Variants in CPA6 observed in about 807,000 individuals in gnomAD.
CPA6 encodes carboxypeptidase A6.
In CPA6, 58 loss-of-function variants were observed where a neutral mutation model predicts 63.3. The observed-to-expected ratio is 0.92, with a 90% CI of 0.74 to 1.14. The LOEUF is 1.14. Among genes scored for constraint, CPA6 ranks in the 50% most tolerant of loss-of-function variants. The probability of loss-of-function intolerance (pLI) is 0.00; values close to 1 mark genes in which losing one functional copy is unlikely to be tolerated. For synonymous variants in CPA6, 185 were observed against 179.0 expected (o/e 1.03, Z -0.27); for missense variants, 565 against 526.6 (o/e 1.07, Z -0.71).
chr8:67,486,268 A>G (rs1811474084), intron 6 of CPA6, among the ~76,000 whole-genome samples: 1 of 152,256 alleles, frequency 6.6e-6, no homozygotes, highest in African/African-American at 2.4e-5. Flanking sequence ...CTATATAACT[A>G]TGTTTTGGTC....
intron 1 of CPA6, among the ~76,000 whole-genome samples, chr8:67,645,728 A>C (rs984828251): frequency 1.3e-5 from 2 of 152,260 alleles, no homozygotes; most frequent in African/African-American, 4.8e-5. Context: ...GTTGGAACAA[A>C]TATAATGATG....
chr8:67,588,206 G>T (rs1197398735), intron 2 of CPA6, among the ~76,000 whole-genome samples: 1 of 152,170 alleles, frequency 6.6e-6, no homozygotes, highest in African/African-American at 2.4e-5. Flanking sequence ...AAGGGATCAG[G>T]TTCGCCGTTT....
intron 2 of CPA6, among the ~76,000 whole-genome samples, chr8:67,587,662 A>G (rs1813982474): frequency 6.6e-6 from 1 of 152,016 alleles, no homozygotes; most frequent in African/African-American, 2.4e-5. Flanking sequence ...TTATGAGGAG[A>G]GCTGAGAGAG....
At chr8:67,625,304 G>A (rs1815171691) in intron 1 of CPA6, among the ~76,000 whole-genome samples, 1 of 152,138 alleles carries the variant, frequency 6.6e-6, no homozygotes, top group Admixed American at 6.5e-5. Context: ...GGACTACTGG[G>A]TCAGTTTCAC....
chr8:67,707,195 T>A (rs1226193077), intron 1 of CPA6, among the ~76,000 whole-genome samples: 1 of 152,204 alleles, frequency 6.6e-6, no homozygotes, highest in African/African-American at 2.4e-5. Flanking sequence ...ACTTTAGTGA[T>A]TGTGACATTA....
At chr8:67,427,843 G>GA (rs1809928136) in intron 10 of CPA6, among the ~76,000 whole-genome samples, 1 of 152,150 alleles carries the variant, frequency 6.6e-6, no homozygotes, top group African/African-American at 2.4e-5. Context: ...TCTCTGCTTT[G>GA]AATTTATTTA....
intron 6 of CPA6, among the ~76,000 whole-genome samples, chr8:67,505,025 C>A (rs1465270260): frequency 6.6e-6 from 1 of 152,196 alleles, no homozygotes; most frequent in Non-Finnish European, 1.5e-5. Context: ...GCATATGCCT[C>A]TTCCTTTTCC....
chr8:67,715,991 TA>T (rs1232132489), intron 1 of CPA6, among the ~76,000 whole-genome samples: 1 of 151,762 alleles, frequency 6.6e-6, no homozygotes, highest in Non-Finnish European at 1.5e-5. Context: ...CCATCTCTAC[TA>T]AAAATACAAA....
At chr8:67,631,228 G>A (rs1469751916) in intron 1 of CPA6, among the ~76,000 whole-genome samples, 1 of 152,210 alleles carries the variant, frequency 6.6e-6, no homozygotes, top group East Asian at 1.9e-4. Context: ...CTGGAAGATG[G>A]CATATGCGCC....
chr8:67,684,574 C>T (rs1282783774), intron 1 of CPA6, among the ~76,000 whole-genome samples: 6 of 152,144 alleles, frequency 3.9e-5, no homozygotes, highest in African/African-American at 1.4e-4. Flanking sequence ...GCGTACCCGG[C>T]CTCTCTCCAG....
chr8:67,698,330 G>GT (rs1182993672), intron 1 of CPA6, among the ~76,000 whole-genome samples: 2 of 152,112 alleles, frequency 1.3e-5, no homozygotes, highest in South Asian at 4.1e-4. Context: ...AGTAATTGGT[G>GT]TTTTTTCTTT....
intron 2 of CPA6, among the ~76,000 whole-genome samples, chr8:67,620,114 C>T (rs899895513): frequency 1.3e-5 from 2 of 152,150 alleles, no homozygotes; most frequent in African/African-American, 4.8e-5. Flanking sequence ...AATCCATTCT[C>T]ACTTCCTAGG....
intron 8 of CPA6, among the ~76,000 whole-genome samples, chr8:67,481,233 T>C (rs78972865): frequency 6.6e-6 from 1 of 152,364 alleles, no homozygotes; most frequent in East Asian, 1.9e-4. Flanking sequence ...AATCAGTGCT[T>C]ACAGCATATT....
At chr8:67,527,993 G>C (rs1260083608) in intron 2 of CPA6, among the ~76,000 whole-genome samples, 1 of 152,162 alleles carries the variant, frequency 6.6e-6, no homozygotes, top group African/African-American at 2.4e-5. Flanking sequence ...GTGAGAACAG[G>C]CTGATTTCCA....
At chr8:67,567,956 G>A (rs931989444) in intron 2 of CPA6, among the ~76,000 whole-genome samples, 1 of 152,046 alleles carries the variant, frequency 6.6e-6, no homozygotes, top group Non-Finnish European at 1.5e-5. Flanking sequence ...AGGAGGTGAG[G>A]CCCACAGAGA....
intron 6 of CPA6, among the ~76,000 whole-genome samples, chr8:67,504,456 G>A (rs150719400): frequency 8.3e-4 from 126 of 152,282 alleles, no homozygotes; most frequent in African/African-American, 2.7e-3. Context: ...CAAAAGAACC[G>A]TGGTTTCCAT....
At position 67,463,451 on chromosome 8, in the gene CPA6, AAAATAAAT is replaced by A. The variant is rs771013655; in HGVS notation, c.838+20309_838+20316del. On this transcript the variant is annotated intron_variant, in intron 8 of 10. Transcript: ENST00000297770. ...AGACTGAAACTCACTCTCTCTCTCA[AAAATAAAT>A]AAATAAATAAATAAATAGATAAATA... Among the ~76,000 whole-genome samples, 18 of 142,288 alleles carry A rather than the reference AAAATAAAT, an allele frequency of 1.3e-4. No individual in the cohort carries two copies. In the South Asian group the frequency reaches 2.6e-3, roughly 21 times the overall value. 93.3% of individuals were successfully genotyped at this position (142,288 alleles called of 152,430 possible).
intron 1 of CPA6, among the ~76,000 whole-genome samples, chr8:67,693,061 T>TATTA (rs1587706597): frequency 6.6e-6 from 1 of 152,306 alleles, no homozygotes; most frequent in African/African-American, 2.4e-5. Flanking sequence ...CATCACTAGT[T>TATTA]ATTAAGGCTG....
At chr8:67,744,940 A>G (rs377085133) in intron 1 of CPA6, among the ~76,000 whole-genome samples, 1 of 152,122 alleles carries the variant, frequency 6.6e-6, no homozygotes. Context: ...CTCTGTAAGC[A>G]CTGTATTCAG....
Sources: allele counts gnomAD v4.1 joint callset (sites outside exome capture counted in the v4.1 genomes callset), GRCh38; gene constraint gnomAD v4.1.1; transcripts MANE v1.5; gene names NCBI Gene and HGNC (gene_info 2026-07-23, HGNC 2026-07-21).